Variants in TAOK1 observed in about 807,000 individuals in gnomAD.
The protein encoded by TAOK1 is TAO kinase 1, also known as serine/threonine-protein kinase TAO1.
Under a neutral mutation model 138.3 loss-of-function variants are expected in TAOK1, and 21 were observed. The observed-to-expected ratio is 0.15, with a 90% CI of 0.11 to 0.22. The LOEUF is 0.22. Ranked by LOEUF, TAOK1 falls within the 10% of genes least tolerant of loss-of-function variation. The pLI is 1.00. For synonymous variants in TAOK1, 361 were observed against 398.4 expected (o/e 0.91, Z 1.12); for missense variants, 651 against 1,227.7 (o/e 0.53, Z 7.02).
At chr17:29,477,483 A>ATT (rs1208131620) in intron 4 of TAOK1, among the ~76,000 whole-genome samples, 178 bp from the exon 5 acceptor site, 1 of 151,730 alleles carries the variant, frequency 6.6e-6, no homozygotes, top group African/African-American at 2.4e-5. Flanking sequence ...TTATTAAAAA[A>ATT]TTTTAAAAAT....
chr17:29,416,737 T>C (rs1905273797), intron 1 of TAOK1, among the ~76,000 whole-genome samples: 1 of 152,128 alleles, frequency 6.6e-6, no homozygotes, highest in Non-Finnish European at 1.5e-5. Flanking sequence ...TTGTATTCAG[T>C]GTCATGTTTG....
At chr17:29,424,152 GTA>G (rs1567714496) in intron 1 of TAOK1, among the ~76,000 whole-genome samples, 1 of 151,714 alleles carries the variant, frequency 6.6e-6, no homozygotes, top group Non-Finnish European at 1.5e-5. Context: ...GATTTGTTGT[GTA>G]TAGTGTTCTA....
chr17:29,421,056 A>G (rs1905429202), intron 1 of TAOK1, among the ~76,000 whole-genome samples: 1 of 151,934 alleles, frequency 6.6e-6, no homozygotes, highest in Non-Finnish European at 1.5e-5. Context: ...CAGTTTCCCA[A>G]GTAGCTGAGA....
chr17:29,461,349 T>A (rs1418770651), intron 2 of TAOK1, among the ~76,000 whole-genome samples: 4 of 152,164 alleles, frequency 2.6e-5, no homozygotes, highest in Non-Finnish European at 5.9e-5. Context: ...GAAGAAGTGT[T>A]TTAGGACTAA....
intron 1 of TAOK1, among the ~76,000 whole-genome samples, chr17:29,410,396 A>G (rs1226456939): frequency 6.6e-6 from 1 of 151,800 alleles, no homozygotes; most frequent in Non-Finnish European, 1.5e-5. Context: ...GATTACAGGC[A>G]TGCACCACCA....
At chr17:29,508,592 A>G (rs2031666197) in intron 14 of TAOK1, among the ~76,000 whole-genome samples, 1 of 152,172 alleles carries the variant, frequency 6.6e-6, no homozygotes, top group Non-Finnish European at 1.5e-5. Context: ...GAGTTTGCTA[A>G]ATCTCCTATC....
At chr17:29,391,683 A>G (rs1289163999) in intron 1 of TAOK1, among the ~76,000 whole-genome samples, 1 of 151,638 alleles carries the variant, frequency 6.6e-6, no homozygotes, top group African/African-American at 2.4e-5. Context: ...TCGTTTTAAT[A>G]CTCTTCCCCT....
chr17:29,424,202 C>G (rs562162591), intron 1 of TAOK1, among the ~76,000 whole-genome samples: 1 of 151,704 alleles, frequency 6.6e-6, no homozygotes, highest in East Asian at 1.9e-4. Context: ...TTTGGGAGGC[C>G]GAGACGGGCA....
At chr17:29,447,380 T>C (rs1308940470) in intron 1 of TAOK1, among the ~76,000 whole-genome samples, 1 of 152,142 alleles carries the variant, frequency 6.6e-6, no homozygotes, top group African/African-American at 2.4e-5. Context: ...TCACCCAGAC[T>C]GGAGGGCAAT....
At chr17:29,526,684 G>A (rs1229464177) in intron 17 of TAOK1, among the ~76,000 whole-genome samples, 1 of 152,006 alleles carries the variant, frequency 6.6e-6, no homozygotes, top group Admixed American at 6.6e-5. Flanking sequence ...AGAGTCTTGG[G>A]ATTACAGGCG....
At chr17:29,509,771 C>T (rs1371362136) in intron 14 of TAOK1, among the ~76,000 whole-genome samples, 1 of 151,816 alleles carries the variant, frequency 6.6e-6, no homozygotes, top group Non-Finnish European at 1.5e-5. Context: ...TGGCATACGC[C>T]TTTAGTTCCA....
chr17:29,541,779 A>G (rs2032321504), intron 19 of TAOK1, among the ~76,000 whole-genome samples: 1 of 152,040 alleles, frequency 6.6e-6, no homozygotes, highest in Non-Finnish European at 1.5e-5. Flanking sequence ...CCGTCTCAAA[A>G]AAAAAGAAAA....
intron 1 of TAOK1, among the ~76,000 whole-genome samples, chr17:29,438,456 G>A (rs557197761): frequency 1.2e-4 from 19 of 152,282 alleles, no homozygotes; most frequent in East Asian, 5.8e-4. Flanking sequence ...AGGCTGAGGC[G>A]GGCGGACCAC....
intron 14 of TAOK1, among the ~76,000 whole-genome samples, 161 bp downstream of exon 14, chr17:29,508,293 G>C (rs1659310045): frequency 6.6e-6 from 1 of 152,162 alleles, no homozygotes; most frequent in Non-Finnish European, 1.5e-5. Flanking sequence ...TCTGTAAATT[G>C]ATATTACAAG....
intron 15 of TAOK1, among the ~76,000 whole-genome samples, chr17:29,515,814 C>T (rs933914410): frequency 2.0e-5 from 3 of 151,446 alleles, no homozygotes; most frequent in African/African-American, 4.8e-5. Context: ...CCAGCCTGGG[C>T]GACAGAGCAA....
At chr17:29,416,779 A>G (rs1598471754) in intron 1 of TAOK1, among the ~76,000 whole-genome samples, 1 of 152,254 alleles carries the variant, frequency 6.6e-6, no homozygotes, top group Non-Finnish European at 1.5e-5. Flanking sequence ...ATTTGAACTC[A>G]TTAATTTTCT....
At chr17:29,535,357 T>G (rs1471777430) in intron 19 of TAOK1, among the ~76,000 whole-genome samples, 1 of 151,932 alleles carries the variant, frequency 6.6e-6, no homozygotes, top group Non-Finnish European at 1.5e-5. Flanking sequence ...ATCAATTGTA[T>G]CCAGGATTCA....
intron 1 of TAOK1, among the ~76,000 whole-genome samples, chr17:29,447,980 A>G (rs202190532): frequency 3.0e-5 from 3 of 101,122 alleles, no homozygotes; most frequent in Non-Finnish European, 5.8e-5. Flanking sequence ...TTTTTTTTTA[A>G]TTCTTACAGA....
At position 29,506,097 on chromosome 17, in the gene TAOK1, G is replaced by A. The variant is rs184263102; in HGVS notation, c.1339-1799G>A. On this transcript the variant is annotated intron_variant, in intron 13 of 19. Coordinates refer to ENST00000261716, the MANE Select transcript of TAOK1 (RefSeq NM_020791.4). ...AAAAATAGAACTACCATATGATCCAGTAATTCCACTTCTGGGTACATATTT... is the reference window on the plus strand; with the variant it reads ...AAAAATAGAACTACCATATGATCCAATAATTCCACTTCTGGGTACATATTT... Among the ~76,000 whole-genome samples, 397 of 152,278 alleles carry A rather than the reference G, an allele frequency of 2.6e-3. 3 individuals are homozygous for A. Among genetic ancestry groups the A allele is most frequent in the African/African-American group, 8.6e-3 (356 of 41,552 alleles).
Sources: gnomAD v4.1 joint callset for allele counts (sites outside exome capture counted in the v4.1 genomes callset) on GRCh38, gnomAD v4.1.1 for gene constraint, MANE v1.5 for transcripts, NCBI Gene and HGNC (gene_info 2026-07-23, HGNC 2026-07-21) for gene names.